The following PRKCB variants were observed in gnomAD, a reference collection of about 807,000 sequenced individuals.
PRKCB encodes the protein protein kinase C beta, also known as protein kinase C beta type.
In PRKCB, 13 loss-of-function variants were observed where a neutral mutation model predicts 81.5. That is an observed-to-expected ratio of 0.16 (90% confidence interval 0.10 to 0.25). The LOEUF is 0.25. Ranked by LOEUF, PRKCB falls within the 10% of genes least tolerant of loss-of-function variation. The pLI, the probability that PRKCB is intolerant of heterozygous loss-of-function variation, is 1.00. For missense variants in PRKCB, 509 were observed against 875.7 expected (o/e 0.58, Z 5.29); for synonymous variants, 335 against 321.4 (o/e 1.04, Z -0.45).
At chr16:24,142,406 G>A (rs1011243779) in intron 9 of PRKCB, among the ~76,000 whole-genome samples, 5 of 152,138 alleles carry the variant, frequency 3.3e-5, no homozygotes, top group Admixed American at 1.3e-4. Context: ...GGTTTCTCTC[G>A]AAATCCTGCT....
chr16:24,164,597 C>T (rs955899998), intron 10 of PRKCB, among the ~76,000 whole-genome samples: 2 of 152,088 alleles, frequency 1.3e-5, no homozygotes, highest in Non-Finnish European at 1.5e-5. Flanking sequence ...GGAACACCCA[C>T]GTAGAAACGT....
chr16:23,847,357 TATCTATCTATCTATCTATCTGTCC>T (rs1205630017), intron 2 of PRKCB, among the ~76,000 whole-genome samples: 3,039 of 70,332 alleles, frequency 0.043, 86 homozygotes, highest in East Asian at 0.22. Flanking sequence ...TCTATCTATC[TATCTATCTATCTATCTATCTGTCC>T]ATCTATCTAT....
At chr16:23,927,289 C>T (rs12927751) in intron 2 of PRKCB, among the ~76,000 whole-genome samples, 77,926 of 151,666 alleles carry the variant, frequency 0.51, 21,069 homozygotes, top group East Asian at 0.62. Flanking sequence ...ATAGTATATA[C>T]AAAAGCACAA....
intron 7 of PRKCB, among the ~76,000 whole-genome samples, chr16:24,096,664 A>ATATATATATATATAT (rs1260873156): frequency 2.7e-4 from 23 of 85,290 alleles, no homozygotes; most frequent in African/African-American, 4.9e-4. Flanking sequence ...AAAAAAAAAA[A>ATATATATATATATAT]AAATATATAT....
Position 23,875,524 on chromosome 16 carries a change from T to C in PRKCB, c.205+38118T>C, listed in dbSNP as rs937267922. Among the ~76,000 whole-genome samples, 8 of 103,118 alleles carry C rather than the reference T, an allele frequency of 7.8e-5. 1 individual carries two copies. The highest frequency in any genetic ancestry group is 4.7e-4 in the Admixed American group (5 of 10,624). The allele number at this position is 103,118 out of a possible 152,430, so 67.6% of individuals were successfully genotyped here. A position where few individuals can be genotyped will look rare whatever the true frequency, so the allele number is the denominator to read the frequency against. Reference sequence around the variant, plus strand: ...ATATATATGATGTATATCACACACATATGTGTATATCACACACATATGTAT... The same window carrying C: ...ATATATATGATGTATATCACACACACATGTGTATATCACACACATATGTAT... On this transcript the variant is annotated intron_variant, in intron 2 of 16. Transcript: ENST00000643927.
intron 3 of PRKCB, among the ~76,000 whole-genome samples, chr16:23,993,664 T>G (rs555983308): frequency 8.5e-4 from 129 of 152,320 alleles, no homozygotes; most frequent in Middle Eastern, 3.4e-3. Flanking sequence ...GCCACTTAAT[T>G]GGAAAACTTA....
Position 24,180,765 on chromosome 16 carries a change from C to T in PRKCB, c.1395-25C>T, listed in dbSNP as rs749713528. On this transcript the variant is annotated intron_variant, in intron 12 of 16. Coordinates refer to ENST00000643927, the MANE Select transcript of PRKCB (RefSeq NM_002738.7). ...TGAAATGCATAGCGTTTAATTAAAT[C>T]TCTAAATTCTTGTGTCTGCCATAGT... 1.9e-6 allele frequency: 3 copies of T among 1,609,906 alleles called. No individual in the cohort carries two copies. The South Asian group carries it at 3.3e-5, about 18-fold the overall frequency.
At chr16:23,920,526 C>CT (rs1227466628) in intron 2 of PRKCB, among the ~76,000 whole-genome samples, 1 of 152,178 alleles carries the variant, frequency 6.6e-6, no homozygotes, top group African/African-American at 2.4e-5. Context: ...ATGCATCTTC[C>CT]TTTTTTGACA....
chr16:24,058,353 A>G (rs1343672296), intron 5 of PRKCB, among the ~76,000 whole-genome samples: 7 of 152,128 alleles, frequency 4.6e-5, no homozygotes, highest in Admixed American at 4.6e-4. Context: ...ACTTTGTGCT[A>G]GTGCAGTGCA....
chr16:24,082,164 TC>T (rs1314188630), intron 5 of PRKCB, among the ~76,000 whole-genome samples: 4 of 152,256 alleles, frequency 2.6e-5, no homozygotes, highest in African/African-American at 7.2e-5. Flanking sequence ...ACAACACATG[TC>T]TAGAATCTAT....
chr16:24,183,044 T>G (rs1032496119), intron 13 of PRKCB, among the ~76,000 whole-genome samples: 1 of 152,022 alleles, frequency 6.6e-6, no homozygotes, highest in Non-Finnish European at 1.5e-5. Flanking sequence ...ATTTTTTTAG[T>G]AGAGACGGGG....
At chr16:24,028,804 G>GTT (rs76940673) in intron 3 of PRKCB, among the ~76,000 whole-genome samples, 7 of 149,060 alleles carry the variant, frequency 4.7e-5, no homozygotes, top group East Asian at 2.0e-4. Context: ...TATGGTTGTT[G>GTT]TTTTTTTTTT....
intron 2 of PRKCB, among the ~76,000 whole-genome samples, chr16:23,984,356 C>T (rs996066565): frequency 6.6e-6 from 1 of 152,102 alleles, no homozygotes; most frequent in African/African-American, 2.4e-5. Context: ...AGGTAGTGTA[C>T]CTAGTCTTAG....
intron 2 of PRKCB, among the ~76,000 whole-genome samples, chr16:23,919,486 C>A (rs1324104789): frequency 1.3e-5 from 2 of 151,612 alleles, no homozygotes; most frequent in East Asian, 3.9e-4. Flanking sequence ...AACCAGATAT[C>A]TCTATATTTT....
rs1555501178 is a variant in PRKCB, at chr16:24,182,873, T to TGTGTGTGTGTGTGTGTG, written c.1533+1945_1533+1946insGTGTGTGTGTGTGTGTG. Among the ~76,000 whole-genome samples the TGTGTGTGTGTGTGTGTG allele has an allele frequency of 5.9e-3, 793 of 133,606 alleles. 10 individuals carry two copies. Among genetic ancestry groups the TGTGTGTGTGTGTGTGTG allele is most frequent in the African/African-American group, 0.019 (634 of 32,636 alleles). The allele number at this position is 133,606 out of a possible 152,430, so 87.7% of individuals were successfully genotyped here. The stretch of plus-strand genomic sequence containing the variant: ...ATGCTTGGGCATCCCACATTGTTTC[T>TGTGTGTGTGTGTGTGTG]TGTGTGTGTGTGTGTGTGTGTGTGT... On this transcript the variant is annotated intron_variant, in intron 13 of 16. Transcript: ENST00000643927.
At chr16:24,116,081 G>T (rs1286557268) in intron 8 of PRKCB, among the ~76,000 whole-genome samples, 2 of 152,172 alleles carry the variant, frequency 1.3e-5, no homozygotes, top group Non-Finnish European at 1.5e-5. Context: ...GTCAGAGTTG[G>T]TTGCCTCTGT....
chr16:24,173,094 C>T lies in PRKCB; in HGVS notation c.1331+733C>T, dbSNP rs567043713. On this transcript the variant is annotated intron_variant, in intron 11 of 16. Transcript: ENST00000643927. ...TTTGCCCATGTTCTTTATCTTACACCACTCTCCGTCTTAGATGCCTTCACT... is the reference window on the plus strand; with the variant it reads ...TTTGCCCATGTTCTTTATCTTACACTACTCTCCGTCTTAGATGCCTTCACT... Among the ~76,000 whole-genome samples the T allele has an allele frequency of 3.3e-5, 5 of 152,134 alleles. No individual in the cohort carries two copies. The South Asian group carries it at 6.2e-4, about 19-fold the overall frequency.
intron 5 of PRKCB, among the ~76,000 whole-genome samples, chr16:24,057,893 A>G (rs534903142): frequency 6.6e-6 from 1 of 152,270 alleles, no homozygotes; most frequent in South Asian, 2.1e-4. Flanking sequence ...AGCCACAGGA[A>G]TCTTTCTAAA....
chr16:24,035,624 G>A, intron 5 of PRKCB, 77 bp downstream of exon 5: 1 of 1,413,042 alleles, frequency 7.1e-7, no homozygotes, highest in South Asian at 1.3e-5. Context: ...TGGCGGAGGG[G>A]TGGGGCAGTC....
Sources: allele counts gnomAD v4.1 joint callset (sites outside exome capture counted in the v4.1 genomes callset), GRCh38; gene constraint gnomAD v4.1.1; transcripts MANE v1.5; gene names NCBI Gene and HGNC (gene_info 2026-07-23, HGNC 2026-07-21).